The following GFRA1 variants were observed in gnomAD, a reference collection of about 807,000 sequenced individuals.
GFRA1 encodes the protein GDNF family receptor alpha-1.
A neutral mutation model predicts 51.6 loss-of-function variants in GFRA1; 16 were observed. The observed-to-expected ratio is 0.31, with a 90% CI of 0.21 to 0.47. The LOEUF (loss-of-function observed/expected upper bound fraction) is 0.47. Among genes scored for constraint, GFRA1 ranks in the 20% least tolerant of loss-of-function variants. The pLI is 1.00. For missense variants in GFRA1, 530 were observed against 594.3 expected (o/e 0.89, Z 1.13); for synonymous variants, 270 against 241.3 (o/e 1.12, Z -1.10).
At chr10:116,171,989 A>G (rs1961074371) in intron 5 of GFRA1, among the ~76,000 whole-genome samples, 1 of 152,084 alleles carries the variant, frequency 6.6e-6, no homozygotes, top group Non-Finnish European at 1.5e-5. Context: ...CTGTCCTGTA[A>G]TCACTCAGAT....
At chr10:116,121,762 G>T (rs1451831033) in intron 6 of GFRA1, among the ~76,000 whole-genome samples, 1 of 152,114 alleles carries the variant, frequency 6.6e-6, no homozygotes, top group Non-Finnish European at 1.5e-5. Flanking sequence ...ATTCAAATGA[G>T]ACCTCAAGTC....
chr10:116,216,721 T>G (rs141174447), intron 4 of GFRA1, among the ~76,000 whole-genome samples: 1 of 152,314 alleles, frequency 6.6e-6, no homozygotes, highest in East Asian at 1.9e-4. Context: ...GGGAGACAGC[T>G]GTCTTGCGAG....
chr10:116,109,004 G>A (rs780618536), intron 6 of GFRA1, among the ~76,000 whole-genome samples: 2 of 152,212 alleles, frequency 1.3e-5, no homozygotes, highest in African/African-American at 2.4e-5. Context: ...ATTAACAGGT[G>A]CAGAGGAGAA....
upstream of GFRA1, among the ~76,000 whole-genome samples, chr10:116,274,089 C>CA (rs1387136354): frequency 6.6e-6 from 1 of 152,112 alleles, no homozygotes; most frequent in Non-Finnish European, 1.5e-5. Flanking sequence ...TTAACAACAA[C>CA]AAAAAAAGCC....
chr10:116,235,980 T>A (rs1206314386), intron 4 of GFRA1, among the ~76,000 whole-genome samples: 1 of 152,186 alleles, frequency 6.6e-6, no homozygotes, highest in Non-Finnish European at 1.5e-5. Context: ...TTTATGGTAC[T>A]TTGTTATGGC....
chr10:116,081,621 C>T (rs1044227490), intron 9 of GFRA1, among the ~76,000 whole-genome samples: 2 of 152,120 alleles, frequency 1.3e-5, no homozygotes, highest in African/African-American at 4.8e-5. Flanking sequence ...TCTGAGGTTA[C>T]TGTGAGGATT....
At chr10:116,156,799 C>A (rs890783461) in intron 5 of GFRA1, among the ~76,000 whole-genome samples, 1 of 150,644 alleles carries the variant, frequency 6.6e-6, no homozygotes, top group Non-Finnish European at 1.5e-5. Context: ...TATTTCATTG[C>A]AGGCTTTACA....
chr10:116,190,390 G>A (rs1269442939), intron 5 of GFRA1, among the ~76,000 whole-genome samples: 1 of 152,194 alleles, frequency 6.6e-6, no homozygotes. Context: ...TTCACAAAGA[G>A]CAATGTGCTC....
chr10:116,178,229 C>T (rs937033537), intron 5 of GFRA1, among the ~76,000 whole-genome samples: 2 of 149,362 alleles, frequency 1.3e-5, no homozygotes, highest in African/African-American at 4.9e-5. Flanking sequence ...ATTTGTTTTG[C>T]ATCCCCTAAA....
upstream of GFRA1, among the ~76,000 whole-genome samples, chr10:116,274,677 C>T (rs142825291): frequency 3.6e-3 from 546 of 152,296 alleles, 11 homozygotes; most frequent in South Asian, 0.04. Context: ...TTCTCTTGTG[C>T]TGTACGCGTG....
chr10:116,113,899 T>C (rs1404506360), intron 6 of GFRA1, among the ~76,000 whole-genome samples: 1 of 152,198 alleles, frequency 6.6e-6, no homozygotes, highest in African/African-American at 2.4e-5. Flanking sequence ...AAGTACGTGT[T>C]GCTCGCCTCA....
At chr10:116,251,894 GC>G (rs1463820304) in intron 4 of GFRA1, among the ~76,000 whole-genome samples, 1 of 149,912 alleles carries the variant, frequency 6.7e-6, no homozygotes, top group Non-Finnish European at 1.5e-5. Flanking sequence ...AGGAGGGAGG[GC>G]AAAAGAGGCT....
At chr10:116,204,232 A>T (rs528295510) in intron 5 of GFRA1, among the ~76,000 whole-genome samples, 1 of 152,384 alleles carries the variant, frequency 6.6e-6, no homozygotes, top group East Asian at 1.9e-4. Context: ...CAGTGAGAGG[A>T]GGCTAGAATG....
At position 116,134,028 on chromosome 10, in the gene GFRA1, T is replaced by G. The variant is rs1318931018; in HGVS notation, c.434-8471A>C. 2.6e-5 allele frequency among the ~76,000 whole-genome samples: 4 copies of G among 152,210 alleles called. No homozygotes were observed. The East Asian group carries it at 7.7e-4, about 29-fold the overall frequency. ...CAAACACCAGGGCCAGCTAACCAGT[T>G]GAAACGATTCAGGATGAAACACAGA... On this transcript the variant is annotated intron_variant, in intron 5 of 10. Coordinates refer to ENST00000355422, the MANE Select transcript of GFRA1 (RefSeq NM_005264.8).
At chr10:116,188,486 CAATGGG>C (rs1462295944) in intron 5 of GFRA1, among the ~76,000 whole-genome samples, 1 of 152,104 alleles carries the variant, frequency 6.6e-6, no homozygotes, top group Non-Finnish European at 1.5e-5. Flanking sequence ...GCTCTCTGTT[CAATGGG>C]TATAGAGTTT....
chr10:116,107,288 T>G (rs1286485879), intron 6 of GFRA1, among the ~76,000 whole-genome samples: 2 of 152,188 alleles, frequency 1.3e-5, no homozygotes, highest in Admixed American at 6.5e-5. Flanking sequence ...TCTCTTCTTC[T>G]CTGGACCAGC....
Position 116,125,460 on chromosome 10 carries a change from C to G in GFRA1, c.531G>C (p.Pro177=), listed in dbSNP as rs77406058. The G allele has an allele frequency of 1.1e-5, 17 of 1,613,964 alleles. No homozygotes were observed. The highest frequency in any genetic ancestry group is 1.7e-5 in the Admixed American group (1 of 60,000). Reference sequence around the variant, plus strand: ...CATCGTTGGACACGCTGGTGGTGCACGGGGTGATGTACGCCGACCTGTACT... The same window carrying G: ...CATCGTTGGACACGCTGGTGGTGCAGGGGGTGATGTACGCCGACCTGTACT... ...CKKYRSAYIT[P]CTTSVSNDVC... is the part of the protein sequence containing the mutation. Residue 177 remains proline, a synonymous_variant, in exon 6 of 11, where the codon CCG becomes CCC. Transcript: ENST00000355422.
At chr10:116,220,952 TTC>T (rs1409103582) in intron 4 of GFRA1, among the ~76,000 whole-genome samples, 1 of 152,196 alleles carries the variant, frequency 6.6e-6, no homozygotes, top group Non-Finnish European at 1.5e-5. Context: ...GTTATTTTCT[TTC>T]TCTCTCTTTC....
intron 6 of GFRA1, among the ~76,000 whole-genome samples, chr10:116,114,069 A>C (rs1589799431): frequency 6.6e-6 from 1 of 152,288 alleles, no homozygotes; most frequent in Non-Finnish European, 1.5e-5. Flanking sequence ...CAACATGGAA[A>C]CATCCAGAGG....
Sources: gnomAD v4.1 joint callset for allele counts (sites outside exome capture counted in the v4.1 genomes callset) on GRCh38, gnomAD v4.1.1 for gene constraint, MANE v1.5 for transcripts, NCBI Gene and HGNC (gene_info 2026-07-23, HGNC 2026-07-21) for gene names.